Variants in TUB observed in about 807,000 individuals in gnomAD.
The protein encoded by TUB is tubby protein homolog.
Under a neutral mutation model 59.7 loss-of-function variants are expected in TUB, and 33 were observed. That is an observed-to-expected ratio of 0.55 (90% confidence interval 0.42 to 0.74). The LOEUF (loss-of-function observed/expected upper bound fraction) is 0.74, where lower values mean the gene tolerates loss of function less well. Among genes scored for constraint, TUB ranks in the 30% least tolerant of loss-of-function variants. The probability of loss-of-function intolerance (pLI) is 0.00; values close to 1 mark genes in which losing one functional copy is unlikely to be tolerated. For missense variants in TUB, 659 were observed against 672.0 expected, an observed-to-expected ratio of 0.98 and a Z score of 0.21; for synonymous variants, 293 against 256.4, an observed-to-expected ratio of 1.14 and a Z score of -1.36.
intron 1 of TUB, among the ~76,000 whole-genome samples, chr11:8,086,601 G>T (rs1352776417): frequency 2.0e-5 from 3 of 152,120 alleles, no homozygotes; most frequent in African/African-American, 7.2e-5. Context: ...GTCCCATCTC[G>T]TCCCCTTGCA....
chr11:8,101,357 G>A lies in TUB; in HGVS notation c.1388-129G>A, dbSNP rs1003843798. 5.6e-6 allele frequency: 7 copies of A among 1,251,698 alleles called. No individual in the cohort carries two copies. The Admixed American group carries it at 1.2e-4, about 21-fold the overall frequency. 77.5% of individuals were successfully genotyped at this position (1,251,698 alleles called of 1,614,324 possible). A position where few individuals can be genotyped will look rare whatever the true frequency, so the allele number is the denominator to read the frequency against. On this transcript the variant is annotated intron_variant, in intron 11 of 11. Transcript: ENST00000299506. ...ATTGGCCTTTGTTTTACTTCCCTTT[G>A]TGATTCCCCTGGCATCTCTGCTTCT...
intron 2 of TUB, among the ~76,000 whole-genome samples, chr11:8,066,519 C>T (rs1431101754): frequency 6.6e-6 from 1 of 152,218 alleles, no homozygotes; most frequent in Non-Finnish European, 1.5e-5. Context: ...CTGGAGGCAG[C>T]AGGGCTGTAC....
chr11:8,106,190 T>G lies in TUB; in HGVS notation c.*4571T>G, dbSNP rs574533642. 1 of 152,350 alleles carries G rather than the reference T, an allele frequency of 6.6e-6. No homozygotes were observed. The highest frequency in any genetic ancestry group is 2.1e-4 in the South Asian group (1 of 4,826). 9.4% of individuals were successfully genotyped at this position (152,350 alleles called of 1,614,324 possible). A position where few individuals can be genotyped will look rare whatever the true frequency, so the allele number is the denominator to read the frequency against. ...ACATTATGTATGTTGTAGAATTTAG[T>G]GTTTGTCTAAGTACACACATATATC... On this transcript the variant is annotated 3_prime_UTR_variant, in exon 12 of 12. Coordinates refer to ENST00000299506, the MANE Select transcript of TUB (RefSeq NM_177972.3).
intron 1 of TUB, chr11:8,039,458 G>A: frequency 2.3e-6 from 1 of 434,530 alleles, no homozygotes; most frequent in Non-Finnish European, 3.9e-6. Context: ...TGCCATCCGG[G>A]GCCCACAGAG....
Position 8,100,386 on chromosome 11 carries a change from T to TA in TUB, c.1117-116dup. 3.8e-6 allele frequency: 3 copies of TA among 797,336 alleles called. No individual in the cohort carries two copies. The South Asian group carries it at 4.6e-5, about 12-fold the overall frequency. 49.4% of individuals were successfully genotyped at this position (797,336 alleles called of 1,614,324 possible). ...GTGTTAGGTTTAGAGGGATGTGTGT[T>TA]AGACTTCGGAGTGGAGATGGTGGGA... is the stretch of plus-strand genomic sequence containing the variant. On this transcript the variant is annotated intron_variant, in intron 9 of 11. Transcript: ENST00000299506.
intron 4 of TUB, among the ~76,000 whole-genome samples, chr11:8,094,906 C>G (rs958032788): frequency 6.6e-6 from 1 of 152,248 alleles, no homozygotes; most frequent in Non-Finnish European, 1.5e-5. Flanking sequence ...GGCAGGGTGG[C>G]TGCCACCTGT....
upstream of TUB, among the ~76,000 whole-genome samples, chr11:8,080,024 A>T (rs1233432871): frequency 3.9e-5 from 6 of 152,224 alleles, no homozygotes; most frequent in African/African-American, 1.2e-4. Flanking sequence ...TTAATGGGCA[A>T]GAGAAGGCAA....
In TUB at chr11:8,097,368, G is replaced by A. The variant is rs1474970175; in HGVS notation, c.828G>A (p.Met276Ile). ...KCRITRDKKG[M>I]DRGMYPTYFL... is the part of the protein sequence containing the mutation. Reference sequence around the variant, plus strand: ...GCATCACTCGGGACAAGAAAGGGATGGACCGGGGCATGTACCCCACCTACT... The same window carrying A: ...GCATCACTCGGGACAAGAAAGGGATAGACCGGGGCATGTACCCCACCTACT... Residue 276 changes from methionine to isoleucine, a missense_variant, in exon 7 of 12, where the codon ATG (methionine) becomes ATA (isoleucine). Transcript: ENST00000299506. 6.2e-7 allele frequency: 1 copy of A among 1,614,186 alleles called. No individual in the cohort carries two copies. The highest frequency in any genetic ancestry group is 8.5e-7 in the Non-Finnish European group (1 of 1,180,038).
At chr11:8,091,644 G>T (rs1446485131) in intron 3 of TUB, among the ~76,000 whole-genome samples, 2 of 152,150 alleles carry the variant, frequency 1.3e-5, no homozygotes, top group African/African-American at 4.8e-5. Context: ...CCCTGTGTGT[G>T]TGTCAGTTCA....
At chr11:8,031,359 G>A (rs895729806) in intron 1 of TUB, among the ~76,000 whole-genome samples, 11 of 152,224 alleles carry the variant, frequency 7.2e-5, no homozygotes, top group African/African-American at 2.7e-4. Context: ...TGCTTTCACA[G>A]GCACCTTGCC....
intron 2 of TUB, among the ~76,000 whole-genome samples, chr11:8,045,457 G>A (rs576108629): frequency 6.6e-6 from 1 of 152,198 alleles, no homozygotes; most frequent in Admixed American, 6.5e-5. Flanking sequence ...TTACAATGTT[G>A]GGCTTTGTTT....
chr11:8,071,673 A>C (rs1469074488), intron 2 of TUB, among the ~76,000 whole-genome samples: 1 of 152,218 alleles, frequency 6.6e-6, no homozygotes. Context: ...GATGGGGTGG[A>C]ATACAGTTCA....
At chr11:8,093,567 C>T (rs1480664028) in intron 3 of TUB, among the ~76,000 whole-genome samples, 1 of 152,138 alleles carries the variant, frequency 6.6e-6, no homozygotes, top group Non-Finnish European at 1.5e-5. Flanking sequence ...TTGTTCTGAG[C>T]ACTCCTACAC....
intron 2 of TUB, among the ~76,000 whole-genome samples, chr11:8,050,986 TTCAAGTA>T (rs1413424534): frequency 2.0e-5 from 3 of 152,190 alleles, no homozygotes; most frequent in African/African-American, 7.2e-5. Context: ...ACAGGAAGCT[TTCAAGTA>T]GCTAACGGCC....
rs1433664411 is a variant in TUB, at chr11:8,093,995, C to T, written c.254-51C>T. On this transcript the variant is annotated intron_variant, in intron 3 of 11. Transcript: ENST00000299506. ...ACTGTGTTCAGGTGGGAGCTCTGGT[C>T]TCACCCACTGCCTGTTTCTCTCTCT... 3.7e-6 allele frequency: 6 copies of T among 1,611,834 alleles called. No individual in the cohort carries two copies. In the East Asian group the frequency reaches 1.3e-4, roughly 36 times the overall value.
At position 8,101,899 on chromosome 11, in the gene TUB, G is replaced by A. The variant is rs757544856; in HGVS notation, c.*280G>A. ...ACTCCCACCCTTGGGGTAGTAGTGT[G>A]TTGTAGTCGTACTTACCAAGCTGAG... On this transcript the variant is annotated 3_prime_UTR_variant, in exon 12 of 12. Coordinates refer to ENST00000299506, the MANE Select transcript of TUB (RefSeq NM_177972.3). 11 of 435,458 alleles carry A rather than the reference G, an allele frequency of 2.5e-5. No individual in the cohort carries two copies. Among genetic ancestry groups the A allele is most frequent in the Admixed American group, 3.8e-5 (1 of 26,386 alleles). The allele number at this position is 435,458 out of a possible 1,614,324, so 27.0% of individuals were successfully genotyped here.
At chr11:8,073,130 G>C (rs1438856145) in intron 2 of TUB, among the ~76,000 whole-genome samples, 1 of 152,148 alleles carries the variant, frequency 6.6e-6, no homozygotes, top group Non-Finnish European at 1.5e-5. Flanking sequence ...ATAGGTCTTG[G>C]AACTTTTATC....
At position 8,095,476 on chromosome 11, in the gene TUB, C is replaced by T. The variant is rs747927779; in HGVS notation, c.398-22C>T. ...TCCTCTCCTCCTCCTGGATGTAACT[C>T]AGGCGTGTCCGTGGCCTGCAGGCAC... On this transcript the variant is annotated intron_variant, in intron 4 of 11. Transcript: ENST00000299506. 46 of 1,593,802 alleles carry T rather than the reference C, an allele frequency of 2.9e-5. No individual in the cohort carries two copies. In the Admixed American group the frequency reaches 6.4e-4, roughly 22 times the overall value.
chr11:8,104,737 G>A lies in TUB; in HGVS notation c.*3118G>A, dbSNP rs181934188. ...GTATGTTGCACGTATGCTTTTGGTT[G>A]AAATTGAACATACTCTAGTGAATGT... On this transcript the variant is annotated 3_prime_UTR_variant, in exon 12 of 12. Transcript: ENST00000299506. 147 of 151,816 alleles carry A rather than the reference G, an allele frequency of 9.7e-4. No individual in the cohort carries two copies. Among genetic ancestry groups the A allele is most frequent in the Admixed American group, 3.8e-3 (58 of 15,282 alleles). 9.4% of individuals were successfully genotyped at this position (151,816 alleles called of 1,614,324 possible). A position where few individuals can be genotyped will look rare whatever the true frequency, so the allele number is the denominator to read the frequency against.
Sources: allele counts gnomAD v4.1 joint callset (sites outside exome capture counted in the v4.1 genomes callset), GRCh38; gene constraint gnomAD v4.1.1; transcripts MANE v1.5; gene names NCBI Gene and HGNC (gene_info 2026-07-23, HGNC 2026-07-21).